The following CPED1 variants were observed in gnomAD, a reference collection of about 807,000 sequenced individuals.
CPED1 encodes the protein cadherin like and PC-esterase domain containing 1.
A neutral mutation model predicts 128.2 loss-of-function variants in CPED1; 114 were observed. The observed-to-expected ratio is 0.89, with a 90% CI of 0.76 to 1.04. The LOEUF (loss-of-function observed/expected upper bound fraction) is 1.04, where lower values mean the gene tolerates loss of function less well. Ranked by LOEUF, CPED1 falls within the 50% of genes least tolerant of loss-of-function variation. The pLI is 0.00. For missense variants in CPED1, 1,211 were observed against 1,207.1 expected, an observed-to-expected ratio of 1.00 and a Z score of -0.05; for synonymous variants, 462 against 426.7, an observed-to-expected ratio of 1.08 and a Z score of -1.02.
At chr7:121,212,696 G>GAAAAA (rs34133954) in intron 16 of CPED1, among the ~76,000 whole-genome samples, 1 of 150,898 alleles carries the variant, frequency 6.6e-6, no homozygotes. Context: ...GAATTCATTG[G>GAAAAA]AAAAAAAAAT....
At chr7:121,012,213 T>C (rs1792177032) in intron 2 of CPED1, among the ~76,000 whole-genome samples, 1 of 152,210 alleles carries the variant, frequency 6.6e-6, no homozygotes, top group Admixed American at 6.5e-5. Context: ...TTGCTTTATC[T>C]CAGATGGCAT....
At chr7:121,063,460 C>T (rs915570335) in intron 4 of CPED1, among the ~76,000 whole-genome samples, 9 of 148,198 alleles carry the variant, frequency 6.1e-5, no homozygotes, top group South Asian at 2.2e-4. Context: ...TTCCAGTTGC[C>T]TCTCTTCTCC....
chr7:121,168,365 C>T (rs1314679025), intron 16 of CPED1, among the ~76,000 whole-genome samples: 1 of 152,150 alleles, frequency 6.6e-6, no homozygotes, highest in African/African-American at 2.4e-5. Context: ...TCTAAAGAAT[C>T]AAGACTTTGT....
At chr7:121,095,032 T>C (rs1451624392) in intron 5 of CPED1, among the ~76,000 whole-genome samples, 4 of 152,224 alleles carry the variant, frequency 2.6e-5, no homozygotes, top group Non-Finnish European at 5.9e-5. Flanking sequence ...TAAAGAGTCA[T>C]GCCTAGGTAT....
intron 5 of CPED1, among the ~76,000 whole-genome samples, chr7:121,064,668 T>G (rs1793780086): frequency 6.6e-6 from 1 of 152,218 alleles, no homozygotes; most frequent in South Asian, 2.1e-4. Flanking sequence ...TATATATTTC[T>G]TTATGATTAA....
Position 121,125,873 on chromosome 7 carries a change from T to G in CPED1, c.1115T>G (p.Met372Arg). The change falls in exon 9 of 23, where the codon ATG (methionine) becomes AGG (arginine). Residue 372 changes from methionine (M) to arginine (R), a missense_variant. Coordinates refer to ENST00000310396, the MANE Select transcript of CPED1 (RefSeq NM_024913.5). ...LTFDIGYGSF[M>R]YPVVLQVHEH... is the part of the protein sequence containing the mutation. ...TTTGATATTGGTTATGGCAGTTTCATGTACCCTGTAGTGCTCCAGGTCAGT... is the reference window on the plus strand; with the variant it reads ...TTTGATATTGGTTATGGCAGTTTCAGGTACCCTGTAGTGCTCCAGGTCAGT... 2.5e-6 allele frequency: 4 copies of G among 1,613,214 alleles called. No individual in the cohort carries two copies. The highest frequency in any genetic ancestry group is 3.4e-6 in the Non-Finnish European group (4 of 1,179,228).
Position 121,296,951 on chromosome 7 carries a change from G to A in CPED1, c.*1299G>A, listed in dbSNP as rs1175693601. 2 of 152,004 alleles carry A rather than the reference G, an allele frequency of 1.3e-5. No homozygotes were observed. The highest frequency in any genetic ancestry group is 2.4e-5 in the African/African-American group (1 of 41,372). 9.4% of individuals were successfully genotyped at this position (152,004 alleles called of 1,614,324 possible). A position where few individuals can be genotyped will look rare whatever the true frequency, so the allele number is the denominator to read the frequency against. On this transcript the variant is annotated 3_prime_UTR_variant, in exon 23 of 23. Coordinates refer to ENST00000310396, the MANE Select transcript of CPED1 (RefSeq NM_024913.5). Reference sequence around the variant, plus strand: ...CATACAAGAAAAAAACACCTATTTTGATTGATCAGTTCTTTTGTATGAATA... The same window carrying A: ...CATACAAGAAAAAAACACCTATTTTAATTGATCAGTTCTTTTGTATGAATA...
At chr7:121,152,561 C>G (rs1404794907) in intron 16 of CPED1, among the ~76,000 whole-genome samples, 1 of 152,170 alleles carries the variant, frequency 6.6e-6, no homozygotes, top group Non-Finnish European at 1.5e-5. Context: ...GATACTGATG[C>G]TCTAAGGGAG....
chr7:121,176,382 C>CT (rs200279764), intron 16 of CPED1, among the ~76,000 whole-genome samples: 58 of 147,268 alleles, frequency 3.9e-4, no homozygotes, highest in South Asian at 1.9e-3. Context: ...TCTCTGATTT[C>CT]TTTTTTTTTT....
chr7:121,213,488 G>A (rs946592182), intron 16 of CPED1, among the ~76,000 whole-genome samples: 2 of 151,966 alleles, frequency 1.3e-5, no homozygotes, highest in Non-Finnish European at 2.9e-5. Context: ...TAAGAGTTAG[G>A]TGTACCTTAT....
chr7:121,034,897 C>A (rs1792846225), intron 3 of CPED1, among the ~76,000 whole-genome samples: 1 of 151,992 alleles, frequency 6.6e-6, no homozygotes, highest in African/African-American at 2.4e-5. Flanking sequence ...TAGAAGCAGT[C>A]TGAAGGGCAG....
intron 13 of CPED1, among the ~76,000 whole-genome samples, chr7:121,134,188 T>C (rs1023882074): frequency 2.0e-5 from 3 of 152,016 alleles, no homozygotes; most frequent in Admixed American, 2.0e-4. Flanking sequence ...AACTAAGTGT[T>C]CATCAGTGAA....
intron 4 of CPED1, among the ~76,000 whole-genome samples, chr7:121,058,297 T>A (rs137880776): frequency 1.3e-5 from 2 of 152,280 alleles, no homozygotes; most frequent in African/African-American, 4.8e-5. Flanking sequence ...TTGATTGTTT[T>A]GTCGAAGTAA....
intron 16 of CPED1, among the ~76,000 whole-genome samples, chr7:121,208,114 C>T (rs1048936676): frequency 7.9e-5 from 12 of 151,924 alleles, no homozygotes; most frequent in African/African-American, 2.9e-4. Context: ...GCCCACCCCA[C>T]CCCCATCATC....
chr7:121,232,898 A>G (rs766353905), intron 16 of CPED1, among the ~76,000 whole-genome samples: 5 of 152,144 alleles, frequency 3.3e-5, no homozygotes, highest in Non-Finnish European at 5.9e-5. Context: ...TAAGATTTAA[A>G]GACACAGATC....
At chr7:121,055,985 G>A (rs955227177) in intron 4 of CPED1, among the ~76,000 whole-genome samples, 1 of 151,952 alleles carries the variant, frequency 6.6e-6, no homozygotes, top group African/African-American at 2.4e-5. Flanking sequence ...CAATTATTAT[G>A]ATAATAGTGT....
rs1263262852 is a variant in CPED1 at position 121,223,887 on chromosome 7, T to C, written c.2056-12827T>C. On this transcript the variant is annotated intron_variant, in intron 16 of 22. Coordinates refer to ENST00000310396, the MANE Select transcript of CPED1 (RefSeq NM_024913.5). ...AGTCTTGCTAGCAGTCTATCAATTT[T>C]GTTGATCTTTTGAAAAAAACAGCTT... is the stretch of plus-strand genomic sequence containing the variant. Among the ~76,000 whole-genome samples the C allele has an allele frequency of 3.3e-5, 5 of 152,134 alleles. No homozygotes were observed. The East Asian group carries it at 9.6e-4, about 29-fold the overall frequency.
rs1795821892 is a variant in CPED1, at chr7:121,138,023, ACTTCGTTCATG to A, written c.1699+1934_1699+1944del. 3.9e-5 allele frequency among the ~76,000 whole-genome samples: 6 copies of A among 152,162 alleles called. No individual in the cohort carries two copies. The South Asian group carries it at 1.2e-3, about 32-fold the overall frequency. ...GTGAATATGTTAGATAGGCACTTTA[ACTTCGTTCATG>A]TTTTTATGCTGATAAAAATTAGTCC... On this transcript the variant is annotated intron_variant, in intron 14 of 22. Transcript: ENST00000310396.
intron 3 of CPED1, among the ~76,000 whole-genome samples, chr7:121,025,525 A>G (rs1054771256): frequency 3.9e-5 from 6 of 152,138 alleles, no homozygotes; most frequent in African/African-American, 1.4e-4. Context: ...TTCTTACTCT[A>G]GCAGTGTTTC....
Sources: allele counts gnomAD v4.1 joint callset (sites outside exome capture counted in the v4.1 genomes callset), GRCh38; gene constraint gnomAD v4.1.1; transcripts MANE v1.5; gene names NCBI Gene and HGNC (gene_info 2026-07-23, HGNC 2026-07-21).